The following PCNX2 variants were observed in gnomAD, a reference collection of about 807,000 sequenced individuals.
The protein encoded by PCNX2 is pecanex 2, also known as pecanex-like protein 2.
A neutral mutation model predicts 223.8 loss-of-function variants in PCNX2; 168 were observed. The observed-to-expected ratio is 0.75, with a 90% CI of 0.66 to 0.85. PCNX2 has a LOEUF of 0.85. Among genes scored for constraint, PCNX2 ranks in the 40% least tolerant of loss-of-function variants. PCNX2 has a pLI of 0.00. For synonymous variants in PCNX2, 1,006 were observed against 1,052.6 expected (o/e 0.96, Z 0.86); for missense variants, 2,507 against 2,675.5 (o/e 0.94, Z 1.39).
At position 233,290,657 on chromosome 1, in the gene PCNX2, T is replaced by C. The variant is rs144094652; in HGVS notation, c.153+4669A>G. ...CAATTAGAATGTGTTGGGTGCTTAC[T>C]ATTTGCCTAGTGCTATGCTAGTGCT... On this transcript the variant is annotated intron_variant, in intron 1 of 33. Coordinates refer to ENST00000258229, the MANE Select transcript of PCNX2 (RefSeq NM_014801.4). The C allele has an allele frequency of 2.8e-3, 2,206 of 799,328 alleles. 20 individuals carry two copies. The highest frequency in any genetic ancestry group is 0.025 in the Middle Eastern group (38 of 1,546). The allele number at this position is 799,328 out of a possible 1,614,324, so 49.5% of individuals were successfully genotyped here.
intron 17 of PCNX2, chr1:233,167,835 T>C (rs1488281406): frequency 3.1e-6 from 3 of 963,248 alleles, no homozygotes; most frequent in Non-Finnish European, 2.5e-6. Context: ...TCTTGTTAAA[T>C]AACTTTTTGC....
intron 25 of PCNX2, among the ~76,000 whole-genome samples, chr1:233,034,536 A>G (rs548932993): frequency 2.6e-4 from 39 of 152,294 alleles, no homozygotes; most frequent in African/African-American, 8.9e-4. Context: ...ATCTTCATCT[A>G]GTTTTGACAA....
chr1:233,287,629 C>T (rs1484843226), intron 1 of PCNX2, among the ~76,000 whole-genome samples: 1 of 152,198 alleles, frequency 6.6e-6, no homozygotes, highest in Non-Finnish European at 1.5e-5. Context: ...GACCATTAAA[C>T]CTCTTTCCTT....
In PCNX2 at chr1:233,218,083, C is replaced by A; in HGVS notation, c.2606G>T (p.Trp869Leu). The A allele has an allele frequency of 6.3e-7, 1 of 1,587,202 alleles. No homozygotes were observed. Among genetic ancestry groups the A allele is most frequent in the East Asian group, 2.3e-5 (1 of 43,732 alleles). Residue 869 changes from tryptophan to leucine, a missense_variant, in exon 11 of 34, where the codon TGG (tryptophan) becomes TTG (leucine). Coordinates refer to ENST00000258229, the MANE Select transcript of PCNX2 (RefSeq NM_014801.4). ...TLSQGFCKDM[W>L]VLLFCLVMAS... ...CATGACGAGGCAGAAGAGGAGCACC[C>A]ACATATCTTTGCAAAAGCCTTGGCT...
chr1:233,123,988 A>G (rs1278200038), intron 21 of PCNX2, among the ~76,000 whole-genome samples: 1 of 152,212 alleles, frequency 6.6e-6, no homozygotes, highest in Non-Finnish European at 1.5e-5. Flanking sequence ...AAGTATATAG[A>G]GGTATCATTT....
intron 13 of PCNX2, among the ~76,000 whole-genome samples, chr1:233,203,834 A>G (rs1339325592): frequency 6.6e-6 from 1 of 152,194 alleles, no homozygotes; most frequent in Non-Finnish European, 1.5e-5. Flanking sequence ...CAGGAGTGGC[A>G]GTGGGTAACC....
At chr1:233,087,484 G>GT (rs1673663471) in intron 23 of PCNX2, among the ~76,000 whole-genome samples, 5 of 152,190 alleles carry the variant, frequency 3.3e-5, no homozygotes, top group Admixed American at 3.3e-4. Flanking sequence ...TCAAAAGACG[G>GT]TAATTAGAAC....
rs1486683058 is a variant in PCNX2, at chr1:233,126,722, T to A, written c.3837+8291A>T. Among the ~76,000 whole-genome samples, 1 of 152,220 alleles carries A rather than the reference T, an allele frequency of 6.6e-6. No homozygotes were observed. The highest frequency in any genetic ancestry group is 6.5e-5 in the Admixed American group (1 of 15,290). ...GTATTACTTAAGTAAATTTAAAAAA[T>A]TATTATAAAATGAGAAAAATCCTTT... On this transcript the variant is annotated intron_variant, in intron 21 of 33. Coordinates refer to ENST00000258229, the MANE Select transcript of PCNX2 (RefSeq NM_014801.4). This position sits in a 1 kb window ranked among gnomAD's most constrained non-coding sequence, Gnocchi z 4.8.
At chr1:233,057,506 G>T (rs961512950) in intron 23 of PCNX2, 1 of 513,352 alleles carries the variant, frequency 1.9e-6, no homozygotes, top group African/African-American at 1.9e-5. Flanking sequence ...GGAGAGATGA[G>T]TAGCTCTCTG....
Position 232,990,614 on chromosome 1 carries a change from G to C in PCNX2, c.5792-4074C>G, listed in dbSNP as rs142463954. Among the ~76,000 whole-genome samples the C allele has an allele frequency of 6.6e-6, 1 of 152,134 alleles. No individual in the cohort carries two copies. Among genetic ancestry groups the C allele is most frequent in the South Asian group, 2.1e-4 (1 of 4,826 alleles). On this transcript the variant is annotated intron_variant, in intron 32 of 33. Transcript: ENST00000258229. This position sits in a 1 kb window ranked among gnomAD's most constrained non-coding sequence, Gnocchi z 4.3. ...AGGAGGGGTAACCATCCACTCATTC[G>C]TCCAACCTTTGTCTGCTGAGCCCAG...
chr1:233,130,026 G>A (rs191218962), intron 21 of PCNX2, among the ~76,000 whole-genome samples: 1 of 152,062 alleles, frequency 6.6e-6, no homozygotes, highest in Admixed American at 6.5e-5. Flanking sequence ...TCACTCCTGA[G>A]GCCAGCCAGA....
rs1477313184 is a variant in PCNX2, at chr1:232,999,156, C to T, written c.5552G>A (p.Gly1851Glu). The T allele has an allele frequency of 6.2e-7, 1 of 1,613,878 alleles. No individual in the cohort carries two copies. Among genetic ancestry groups the T allele is most frequent in the Non-Finnish European group, 8.5e-7 (1 of 1,179,842 alleles). The change falls in exon 31 of 34, where the codon GGA becomes GAA. Residue 1851 changes from glycine (G) to glutamate (E), a missense_variant. This residue lies in a region of PCNX2 where 1,372 missense variants were observed against 1,509.4 expected (regional missense o/e 0.91). Transcript: ENST00000258229. Reference protein sequence around the residue: ...THRQLKNIWGGPITLDRIRTW... With the variant: ...THRQLKNIWGEPITLDRIRTW... Reference sequence around the variant, plus strand: ...CCTAATTCTGTCCAAAGTGATGGGTCCACCCCAGATGTTCTTCAGCTGCCT... The same window carrying T: ...CCTAATTCTGTCCAAAGTGATGGGTTCACCCCAGATGTTCTTCAGCTGCCT...
In PCNX2 at chr1:232,998,185, C is replaced by CA. The variant is rs1434882687; in HGVS notation, c.5791+65dup. 1.6e-5 allele frequency: 23 copies of CA among 1,411,346 alleles called. 2 individuals are homozygous for CA. In the Admixed American group the frequency reaches 6.6e-4, roughly 40 times the overall value. The allele number at this position is 1,411,346 out of a possible 1,614,324, so 87.4% of individuals were successfully genotyped here. A position where few individuals can be genotyped will look rare whatever the true frequency, so the allele number is the denominator to read the frequency against. ...CAGAGGTTTAAACAACATCATAACT[C>CA]AGGGCATTGGTCACTGGGACCAAAT... On this transcript the variant is annotated intron_variant, in intron 32 of 33. Transcript: ENST00000258229.
At position 233,134,825 on chromosome 1, in the gene PCNX2, C is replaced by T; in HGVS notation, c.3837+188G>A. On this transcript the variant is annotated intron_variant, in intron 21 of 33. Coordinates refer to ENST00000258229, the MANE Select transcript of PCNX2 (RefSeq NM_014801.4). Reference sequence around the variant, plus strand: ...TTAATTAGTGATTTTTAGCAAATAACATGGCATACTTACATTCCATGGGCA... The same window carrying T: ...TTAATTAGTGATTTTTAGCAAATAATATGGCATACTTACATTCCATGGGCA... 5 of 587,696 alleles carry T rather than the reference C, an allele frequency of 8.5e-6. No homozygotes were observed. The South Asian group carries it at 1.2e-4, about 14-fold the overall frequency. The allele number at this position is 587,696 out of a possible 1,614,324, so 36.4% of individuals were successfully genotyped here.
intron 10 of PCNX2, among the ~76,000 whole-genome samples, chr1:233,222,773 C>A (rs1330209625): frequency 6.6e-6 from 1 of 152,018 alleles, no homozygotes; most frequent in Non-Finnish European, 1.5e-5. Flanking sequence ...GCAGAGAAAC[C>A]AGAAGGATGG....
chr1:233,179,641 T>C (rs1459377049), intron 15 of PCNX2, among the ~76,000 whole-genome samples: 1 of 152,206 alleles, frequency 6.6e-6, no homozygotes, highest in African/African-American at 2.4e-5. Context: ...GAAAAGTTCC[T>C]CTTCAAAGCT....
intron 21 of PCNX2, among the ~76,000 whole-genome samples, chr1:233,123,474 C>T (rs1418655951): frequency 6.6e-6 from 1 of 151,768 alleles, no homozygotes; most frequent in Non-Finnish European, 1.5e-5. Context: ...CCCAACTACT[C>T]GGGAGGCTGA....
chr1:233,210,347 G>A (rs977132260), intron 12 of PCNX2: 1 of 152,114 alleles, frequency 6.6e-6, no homozygotes, highest in Non-Finnish European at 1.5e-5. Context: ...TTATGATCTT[G>A]GCTCACTGCA....
intron 25 of PCNX2, among the ~76,000 whole-genome samples, chr1:233,044,235 G>A (rs1179374068): frequency 3.3e-5 from 5 of 152,048 alleles, no homozygotes; most frequent in African/African-American, 7.3e-5. Flanking sequence ...CATGTCCTTC[G>A]CCCACTTTTT....
Sources: gnomAD v4.1 joint callset for allele counts (sites outside exome capture counted in the v4.1 genomes callset) on GRCh38, gnomAD v4.1.1 for gene constraint, gnomAD v4.1.1 regional missense constraint, Gnocchi (gnomAD v3.1) non-coding constraint, MANE v1.5 for transcripts, NCBI Gene and HGNC (gene_info 2026-07-23, HGNC 2026-07-21) for gene names.